The following PKHD1L1 variants were observed in gnomAD, a reference collection of about 807,000 sequenced individuals.
The protein encoded by PKHD1L1 is fibrocystin-L.
In PKHD1L1, 434 loss-of-function variants were observed where a neutral mutation model predicts 462.9. The ratio of observed to expected loss-of-function variants is 0.94; its 90% confidence interval spans 0.87 to 1.02. PKHD1L1 has a LOEUF of 1.02. Ranked by LOEUF, PKHD1L1 falls within the 50% of genes least tolerant of loss-of-function variation. PKHD1L1 has a pLI of 0.00. For missense variants in PKHD1L1, 5,202 were observed against 5,096.1 expected (o/e 1.02, Z -0.63); for synonymous variants, 1,781 against 1,750.0 (o/e 1.02, Z -0.44).
intron 50 of PKHD1L1, among the ~76,000 whole-genome samples, chr8:109,473,248 A>G (rs1018182861): frequency 6.6e-6 from 1 of 152,226 alleles, no homozygotes; most frequent in Non-Finnish European, 1.5e-5. Context: ...GCGGTGGCTC[A>G]TGCCTGTAAT....
chr8:109,492,636 G>A (rs1291658717), intron 62 of PKHD1L1, among the ~76,000 whole-genome samples: 40 of 151,708 alleles, frequency 2.6e-4, no homozygotes, highest in Non-Finnish European at 1.0e-4. Context: ...ACATTTATGA[G>A]GTTAAAAATA....
At chr8:109,405,498 C>A (rs984994927) in intron 16 of PKHD1L1, among the ~76,000 whole-genome samples, 7 of 152,132 alleles carry the variant, frequency 4.6e-5, no homozygotes, top group Admixed American at 1.3e-4. Flanking sequence ...CCATAGAATA[C>A]TATGCAGCCA....
intron 43 of PKHD1L1, 26 bp downstream of exon 43, chr8:109,452,900 G>A: frequency 1.5e-6 from 2 of 1,336,852 alleles, no homozygotes; most frequent in African/African-American, 1.5e-5. Flanking sequence ...TCTGTTCATT[G>A]GACTCTGCCT....
intron 10 of PKHD1L1, 33 bp downstream of exon 10, chr8:109,394,518 G>A: frequency 7.4e-7 from 1 of 1,360,254 alleles, no homozygotes. Context: ...TGTTGCGGGG[G>A]TGGTGGGAAG....
chr8:109,486,905 T>A (rs1818557920), intron 59 of PKHD1L1, 84 bp downstream of exon 59: 1 of 1,301,502 alleles, frequency 7.7e-7, no homozygotes, highest in Non-Finnish European at 1.0e-6. Flanking sequence ...TAATTCTCAC[T>A]TTTTTAATAA....
intron 20 of PKHD1L1, 150 bp downstream of exon 20, chr8:109,412,564 G>T: frequency 1.4e-6 from 1 of 721,344 alleles, no homozygotes. Flanking sequence ...GGGTGCTTGT[G>T]GTTTCCTCTT....
chr8:109,484,743 A>G (rs1818441242), intron 57 of PKHD1L1, among the ~76,000 whole-genome samples: 1 of 151,954 alleles, frequency 6.6e-6, no homozygotes, highest in African/African-American at 2.4e-5. Context: ...AGTTTTTAAT[A>G]AAAATGTGAA....
intron 38 of PKHD1L1, among the ~76,000 whole-genome samples, chr8:109,446,894 T>A (rs1385141879): frequency 6.6e-6 from 1 of 152,154 alleles, no homozygotes; most frequent in Admixed American, 6.5e-5. Flanking sequence ...CAAAATTAAA[T>A]GTTAAGACCT....
chr8:109,452,954 A>T (rs1816620946), intron 43 of PKHD1L1, 80 bp downstream of exon 43: 1 of 1,170,596 alleles, frequency 8.5e-7, no homozygotes, highest in Admixed American at 4.1e-5. Context: ...ATCCACAATT[A>T]TGAACAAACA....
intron 41 of PKHD1L1, among the ~76,000 whole-genome samples, chr8:109,451,903 G>A (rs530068913): frequency 4.7e-4 from 71 of 152,116 alleles, no homozygotes; most frequent in African/African-American, 1.7e-3. Flanking sequence ...ACATCTGCTA[G>A]TTACAGTCCT....
chr8:109,422,219 T>G, intron 23 of PKHD1L1, among the ~76,000 whole-genome samples: 1 of 148,900 alleles, frequency 6.7e-6, no homozygotes, highest in Non-Finnish European at 1.5e-5. Flanking sequence ...TTTTCCAGGG[T>G]TGTGTGTGTG....
chr8:109,464,097 A>C (rs1158476749), intron 48 of PKHD1L1, 119 bp from the exon 49 acceptor site: 1 of 697,332 alleles, frequency 1.4e-6, no homozygotes, highest in Non-Finnish European at 1.9e-6. Context: ...TAAACATGAA[A>C]AATTTGGAAG....
intron 72 of PKHD1L1, among the ~76,000 whole-genome samples, chr8:109,517,380 T>C (rs910148290): frequency 1.3e-5 from 2 of 152,170 alleles, no homozygotes; most frequent in Non-Finnish European, 2.9e-5. Context: ...AATTTCTTTT[T>C]CCTAGTAAGC....
At chr8:109,403,138 G>T (rs73700879) in intron 14 of PKHD1L1, among the ~76,000 whole-genome samples, 3,291 of 152,218 alleles carry the variant, frequency 0.022, 109 homozygotes, top group African/African-American at 0.074. Flanking sequence ...TCTGCTGCCT[G>T]GTATCTGTGC....
intron 21 of PKHD1L1, among the ~76,000 whole-genome samples, chr8:109,415,035 T>A (rs183860350): frequency 3.0e-4 from 46 of 151,380 alleles, no homozygotes; most frequent in African/African-American, 1.0e-3. Flanking sequence ...TCTGATTCTG[T>A]CACCGTGGCT....
chr8:109,529,962 GAAATACTGCT>G (rs1586675538), intron 77 of PKHD1L1, 108 bp from the exon 78 acceptor site: 26 of 567,004 alleles, frequency 4.6e-5, no homozygotes, highest in Non-Finnish European at 6.7e-5. Context: ...GGTAAACTTG[GAAATACTGCT>G]AACTGTACCA....
At chr8:109,385,122 C>T (rs1293907037) in intron 5 of PKHD1L1, among the ~76,000 whole-genome samples, 5 of 151,376 alleles carry the variant, frequency 3.3e-5, no homozygotes, top group Admixed American at 3.3e-4. Flanking sequence ...GGGTGGGAGG[C>T]CCTACTAACC....
At chr8:109,372,047 A>T (rs1450633886) in intron 2 of PKHD1L1, among the ~76,000 whole-genome samples, 2 of 152,142 alleles carry the variant, frequency 1.3e-5, no homozygotes, top group South Asian at 2.1e-4. Context: ...GAAGAAAGTC[A>T]TTGGTAGCTT....
intron 71 of PKHD1L1, 108 bp from the exon 72 acceptor site, chr8:109,515,062 T>A: frequency 1.1e-6 from 1 of 882,810 alleles, no homozygotes; most frequent in East Asian, 3.0e-5. Flanking sequence ...TCCATAAAAC[T>A]TAGTTTTAAT....
Sources: gnomAD v4.1 joint callset for allele counts (sites outside exome capture counted in the v4.1 genomes callset) on GRCh38, gnomAD v4.1.1 for gene constraint, MANE v1.5 for transcripts, NCBI Gene and HGNC (gene_info 2026-07-23, HGNC 2026-07-21) for gene names.